Variants in GALNTL6 observed in about 807,000 individuals in gnomAD.
GALNTL6 encodes polypeptide N-acetylgalactosaminyltransferase-like 6.
GALNTL6 carries 46 observed loss-of-function variants against 73.7 expected under a neutral mutation model. The observed-to-expected ratio is 0.62, with a 90% confidence interval of 0.49 to 0.80. The LOEUF (loss-of-function observed/expected upper bound fraction) is 0.80, where lower values mean the gene tolerates loss of function less well. GALNTL6 is among the 30% of genes least tolerant of loss of function. GALNTL6 has a pLI of 0.00. For missense variants in GALNTL6, 604 were observed against 755.0 expected (o/e 0.80, Z 2.34); for synonymous variants, 259 against 263.7 (o/e 0.98, Z 0.17).
chr4:172,312,816 ACT>A (rs939903296), intron 4 of GALNTL6, among the ~76,000 whole-genome samples: 2 of 152,170 alleles, frequency 1.3e-5, no homozygotes, highest in African/African-American at 4.8e-5. Context: ...TGAAATAATT[ACT>A]GTTTTTCTCC....
intron 9 of GALNTL6, among the ~76,000 whole-genome samples, chr4:172,934,402 C>T (rs1459092793): frequency 6.6e-6 from 1 of 151,828 alleles, no homozygotes; most frequent in Admixed American, 6.6e-5. Context: ...TCTTTTTATG[C>T]AGAAACTATA....
At chr4:171,961,507 C>T (rs551802205) in intron 2 of GALNTL6, among the ~76,000 whole-genome samples, 8 of 152,224 alleles carry the variant, frequency 5.3e-5, no homozygotes, top group Non-Finnish European at 8.8e-5. Flanking sequence ...AAAAACCCTA[C>T]GTAGCAAATA....
chr4:172,112,691 T>C (rs1450644771), intron 2 of GALNTL6, among the ~76,000 whole-genome samples: 10 of 152,018 alleles, frequency 6.6e-5, no homozygotes, highest in Admixed American at 6.6e-4. Context: ...TCCCCCAAAA[T>C]CCATTTGTTG....
chr4:172,591,644 C>T (rs915582249), intron 5 of GALNTL6, among the ~76,000 whole-genome samples: 1 of 152,090 alleles, frequency 6.6e-6, no homozygotes, highest in African/African-American at 2.4e-5. Flanking sequence ...AACAGGCTTT[C>T]CTGATTGGTA....
intron 5 of GALNTL6, among the ~76,000 whole-genome samples, chr4:172,724,485 C>CA (rs1180637464): frequency 8.5e-5 from 13 of 152,168 alleles, no homozygotes; most frequent in Non-Finnish European, 1.9e-4. Flanking sequence ...ATCTCTGAAT[C>CA]AATTAGTTGG....
rs146788051 is a variant in GALNTL6 at position 172,748,920 on chromosome 4, T to A, written c.554-60441T>A. On this transcript the variant is annotated intron_variant, in intron 5 of 12. Transcript: ENST00000506823. ...GTTGTTGTTGTTGTTGTTGTTGTTG[T>A]TGTTGTTTAAGACAAGGTCTACTCT... is the stretch of plus-strand genomic sequence containing the variant. Among the ~76,000 whole-genome samples, 118 of 84,406 alleles carry A rather than the reference T, an allele frequency of 1.4e-3. 1 individual carries two copies. The South Asian group carries it at 0.028, about 20-fold the overall frequency. 55.4% of individuals were successfully genotyped at this position (84,406 alleles called of 152,430 possible).
At chr4:172,698,879 G>C (rs1733849375) in intron 5 of GALNTL6, among the ~76,000 whole-genome samples, 1 of 152,074 alleles carries the variant, frequency 6.6e-6, no homozygotes, top group African/African-American at 2.4e-5. Context: ...AAGTATAAAG[G>C]CATCTAATCA....
At position 171,814,556 on chromosome 4, in the gene GALNTL6, CT is replaced by C. The variant is rs1445007287; in HGVS notation, c.-21del. 1 of 1,613,110 alleles carries C rather than the reference CT, an allele frequency of 6.2e-7. No individual in the cohort carries two copies. The highest frequency in any genetic ancestry group is 8.5e-7 in the Non-Finnish European group (1 of 1,179,672). On this transcript the variant is annotated 5_prime_UTR_variant, in exon 2 of 13. Transcript: ENST00000506823. Reference sequence around the variant, plus strand: ...GCAGTCAGGGAGCCATCTCCTTTAACTTTTCTTCTCTGTTACCATTTGCAAT... The same window carrying C: ...GCAGTCAGGGAGCCATCTCCTTTAACTTTCTTCTCTGTTACCATTTGCAAT...
chr4:172,730,998 T>A (rs1013097029), intron 5 of GALNTL6, among the ~76,000 whole-genome samples: 1 of 151,412 alleles, frequency 6.6e-6, no homozygotes, highest in Admixed American at 6.6e-5. Context: ...GAGAATCACT[T>A]GAACCCAAGA....
At chr4:172,423,127 C>T (rs975809239) in intron 5 of GALNTL6, among the ~76,000 whole-genome samples, 20 of 151,932 alleles carry the variant, frequency 1.3e-4, no homozygotes, top group African/African-American at 4.8e-4. Flanking sequence ...CTTGCCACCT[C>T]TACATCTCCA....
At chr4:172,940,747 C>T (rs1192278166) in intron 9 of GALNTL6, among the ~76,000 whole-genome samples, 2 of 151,960 alleles carry the variant, frequency 1.3e-5, no homozygotes, top group Non-Finnish European at 2.9e-5. Flanking sequence ...AATCTGTGCT[C>T]ACTGCAACCT....
chr4:172,395,830 C>A (rs149073867), intron 5 of GALNTL6, among the ~76,000 whole-genome samples: 1 of 152,012 alleles, frequency 6.6e-6, no homozygotes, highest in Non-Finnish European at 1.5e-5. Flanking sequence ...GGAAATCAAC[C>A]GGCAACATTA....
intron 5 of GALNTL6, among the ~76,000 whole-genome samples, chr4:172,473,222 T>C (rs541701331): frequency 6.6e-6 from 1 of 152,218 alleles, no homozygotes; most frequent in Non-Finnish European, 1.5e-5. Flanking sequence ...CCAATATTTC[T>C]CCCCTTCTCC....
intron 5 of GALNTL6, among the ~76,000 whole-genome samples, chr4:172,759,629 C>A (rs1276859067): frequency 6.6e-6 from 1 of 152,154 alleles, no homozygotes; most frequent in East Asian, 1.9e-4. Context: ...CCTCACTCCG[C>A]CATCTCTTCC....
chr4:173,023,954 T>A (rs1753122438), intron 12 of GALNTL6, among the ~76,000 whole-genome samples: 1 of 152,232 alleles, frequency 6.6e-6, no homozygotes, highest in African/African-American at 2.4e-5. Context: ...AATAGCTGAC[T>A]GGCCATTTGC....
intron 2 of GALNTL6, among the ~76,000 whole-genome samples, chr4:171,837,535 T>C (rs1735123350): frequency 7.3e-6 from 1 of 136,430 alleles, no homozygotes; most frequent in African/African-American, 2.8e-5. Context: ...TCATACTAAA[T>C]GGTTCAGAAA....
chr4:172,804,869 C>T (rs551185139), intron 5 of GALNTL6, among the ~76,000 whole-genome samples: 1 of 152,224 alleles, frequency 6.6e-6, no homozygotes, highest in East Asian at 1.9e-4. Context: ...AGAAAATGCC[C>T]TTGAGTTTGT....
intron 2 of GALNTL6, among the ~76,000 whole-genome samples, chr4:172,040,960 A>G (rs1742072536): frequency 6.6e-6 from 1 of 152,110 alleles, no homozygotes; most frequent in Non-Finnish European, 1.5e-5. Context: ...TACATATTAT[A>G]TTGCTGATAC....
intron 5 of GALNTL6, among the ~76,000 whole-genome samples, chr4:172,481,942 G>A (rs1733497424): frequency 6.6e-6 from 1 of 152,208 alleles, no homozygotes; most frequent in Non-Finnish European, 1.5e-5. Context: ...AGGGGGCAGT[G>A]CCCGTCGGGG....
Sources: gnomAD v4.1 joint callset for allele counts (sites outside exome capture counted in the v4.1 genomes callset) on GRCh38, gnomAD v4.1.1 for gene constraint, MANE v1.5 for transcripts, NCBI Gene and HGNC (gene_info 2026-07-23, HGNC 2026-07-21) for gene names.